Variants in NLK observed in about 807,000 individuals in gnomAD.
NLK encodes the protein serine/threonine-protein kinase NLK.
NLK carries 11 observed loss-of-function variants against 59.0 expected under a neutral mutation model. The ratio of observed to expected loss-of-function variants is 0.19; its 90% CI spans 0.12 to 0.31. NLK has a LOEUF of 0.31. Ranked by LOEUF, NLK falls within the 10% of genes least tolerant of loss-of-function variation. The pLI is 1.00. For missense variants in NLK, 410 were observed against 661.1 expected (o/e 0.62, Z 4.16); for synonymous variants, 235 against 235.9 (o/e 1.00, Z 0.03).
chr17:28,153,656 G>A (rs78297419), intron 3 of NLK, among the ~76,000 whole-genome samples: 1 of 152,108 alleles, frequency 6.6e-6, no homozygotes, highest in East Asian at 1.9e-4. Context: ...TGCAGGGATG[G>A]CAATTGTGAA....
At chr17:28,056,311 G>A (rs916566064) in intron 1 of NLK, among the ~76,000 whole-genome samples, 1 of 152,132 alleles carries the variant, frequency 6.6e-6, no homozygotes, top group African/African-American at 2.4e-5. Flanking sequence ...TTTAGAATGC[G>A]TCTAGTCTAG....
intron 1 of NLK, among the ~76,000 whole-genome samples, chr17:28,120,401 G>A (rs1448430277): frequency 2.0e-5 from 3 of 151,970 alleles, no homozygotes; most frequent in African/African-American, 7.3e-5. Flanking sequence ...GAGCCACTGC[G>A]CCCTGCCTGG....
chr17:28,150,134 G>A (rs1907422373), intron 3 of NLK, among the ~76,000 whole-genome samples: 1 of 152,134 alleles, frequency 6.6e-6, no homozygotes, highest in African/African-American at 2.4e-5. Context: ...CAGCCTCAGT[G>A]TGCTTATTTC....
At chr17:28,131,520 G>A (rs1484309063) in intron 2 of NLK, among the ~76,000 whole-genome samples, 1 of 143,000 alleles carries the variant, frequency 7.0e-6, no homozygotes, top group Non-Finnish European at 1.5e-5. Flanking sequence ...CTGAGGCCAG[G>A]TATTGATTAC....
At chr17:28,072,327 C>CTTT (rs56146394) in intron 1 of NLK, among the ~76,000 whole-genome samples, 3 of 132,750 alleles carry the variant, frequency 2.3e-5, no homozygotes, top group South Asian at 2.4e-4. Context: ...TCTTCTTTTT[C>CTTT]TTTTTTTTTT....
chr17:28,151,122 C>T (rs531350953), intron 3 of NLK, among the ~76,000 whole-genome samples: 3 of 152,266 alleles, frequency 2.0e-5, no homozygotes, highest in Admixed American at 2.0e-4. Context: ...GAGTCCCTGT[C>T]AAGAGAGCTT....
chr17:28,180,352 T>C (rs1908858114), intron 7 of NLK, among the ~76,000 whole-genome samples: 1 of 152,188 alleles, frequency 6.6e-6, no homozygotes, highest in Non-Finnish European at 1.5e-5. Context: ...TCTGTCCTCA[T>C]TCACTGGCAT....
intron 1 of NLK, among the ~76,000 whole-genome samples, chr17:28,060,443 CT>C (rs1909592054): frequency 6.6e-6 from 1 of 151,920 alleles, no homozygotes; most frequent in Non-Finnish European, 1.5e-5. Context: ...CTCTTTTTTA[CT>C]TTTTAAAAAT....
chr17:28,116,664 A>G (rs1597690795), intron 1 of NLK, among the ~76,000 whole-genome samples: 1 of 152,302 alleles, frequency 6.6e-6, no homozygotes, highest in Non-Finnish European at 1.5e-5. Flanking sequence ...CACTGTCACA[A>G]ACCTACCATG....
In NLK at chr17:28,132,976, G is replaced by A. The variant is rs144858545; in HGVS notation, c.644+301G>A. 2.4e-3 allele frequency among the ~76,000 whole-genome samples: 358 copies of A among 152,300 alleles called. 3 individuals are homozygous for A. Among genetic ancestry groups the A allele is most frequent in the African/African-American group, 8.0e-3 (334 of 41,552 alleles). On this transcript the variant is annotated intron_variant, in intron 3 of 10. Coordinates refer to ENST00000407008, the MANE Select transcript of NLK (RefSeq NM_016231.5). ...CAGATGAAACCAGTGAGGCAGCTGT[G>A]TTGTAGTAGAACCCAGGAAAGTGCT...
chr17:28,201,867 T>G, the NLK span, among the ~76,000 whole-genome samples: 7 of 152,018 alleles, frequency 4.6e-5, no homozygotes, highest in Non-Finnish European at 1.0e-4. Flanking sequence ...AATACAAAAG[T>G]TAGCCGGCCG....
At chr17:28,090,687 A>G (rs1904460806) in intron 1 of NLK, among the ~76,000 whole-genome samples, 1 of 152,136 alleles carries the variant, frequency 6.6e-6, no homozygotes, top group Admixed American at 6.6e-5. Flanking sequence ...TGTTAAAAAC[A>G]TAGCGGGAGC....
chr17:28,151,890 A>G (rs1907495828), intron 3 of NLK, among the ~76,000 whole-genome samples: 1 of 152,202 alleles, frequency 6.6e-6, no homozygotes, highest in African/African-American at 2.4e-5. Context: ...AATGCCTGCT[A>G]GTTTATATTT....
At chr17:28,086,617 T>C (rs1910526004) in intron 1 of NLK, among the ~76,000 whole-genome samples, 1 of 152,092 alleles carries the variant, frequency 6.6e-6, no homozygotes, top group South Asian at 2.1e-4. Context: ...TTAACTTTAT[T>C]TTTTAAAATA....
chr17:28,186,447 CT>C (rs995180906), intron 8 of NLK, among the ~76,000 whole-genome samples: 1 of 152,056 alleles, frequency 6.6e-6, no homozygotes, highest in African/African-American at 2.4e-5. Context: ...CTGTTGTTTT[CT>C]TTTTTGTTTT....
rs368665753 is a variant in NLK, at chr17:28,042,824, A to G, written c.-50A>G. 9.0e-6 allele frequency: 13 copies of G among 1,446,464 alleles called. No homozygotes were observed. The highest frequency in any genetic ancestry group is 2.9e-5 in the African/African-American group (2 of 69,726). The allele number at this position is 1,446,464 out of a possible 1,614,324, so 89.6% of individuals were successfully genotyped here. A position where few individuals can be genotyped will look rare whatever the true frequency, so the allele number is the denominator to read the frequency against. Reference sequence around the variant, plus strand: ...GTTTTTCTTCATTTTTAAATGGCCAAATGACAGCTTGACCCAGTTTGCTTT... The same window carrying G: ...GTTTTTCTTCATTTTTAAATGGCCAGATGACAGCTTGACCCAGTTTGCTTT... On this transcript the variant is annotated 5_prime_UTR_variant, in exon 1 of 11. Coordinates refer to ENST00000407008, the MANE Select transcript of NLK (RefSeq NM_016231.5).
chr17:28,166,021 C>G (rs1341491633), intron 5 of NLK, among the ~76,000 whole-genome samples: 2 of 152,150 alleles, frequency 1.3e-5, no homozygotes, highest in Non-Finnish European at 2.9e-5. Context: ...TTGAGACCAG[C>G]CTGGCCAACA....
chr17:28,147,347 C>T (rs1907298810), intron 3 of NLK, among the ~76,000 whole-genome samples: 2 of 152,296 alleles, frequency 1.3e-5, no homozygotes, highest in South Asian at 2.1e-4. Context: ...GCATTTGTTT[C>T]TGTGGTGACT....
chr17:28,136,145 A>G (rs1906737072), intron 3 of NLK, among the ~76,000 whole-genome samples: 1 of 152,172 alleles, frequency 6.6e-6, no homozygotes, highest in Non-Finnish European at 1.5e-5. Flanking sequence ...CTGGTATACC[A>G]TTTACTTAAA....
Sources: gnomAD v4.1 joint callset for allele counts (sites outside exome capture counted in the v4.1 genomes callset) on GRCh38, gnomAD v4.1.1 for gene constraint, MANE v1.5 for transcripts, NCBI Gene and HGNC (gene_info 2026-07-23, HGNC 2026-07-21) for gene names.